The following DOCK8 variants were observed in gnomAD, a reference collection of about 807,000 sequenced individuals.
The protein encoded by DOCK8 is dedicator of cytokinesis 8.
DOCK8 carries 141 observed loss-of-function variants against 245.6 expected under a neutral mutation model. The observed-to-expected ratio is 0.57, with a 90% CI of 0.50 to 0.66. DOCK8 has a LOEUF of 0.66. Among genes scored for constraint, DOCK8 ranks in the 30% least tolerant of loss-of-function variants. The pLI is 0.00. For missense variants in DOCK8, 2,965 were observed against 2,603.4 expected, an observed-to-expected ratio of 1.14 and a Z score of -3.02; for synonymous variants, 1,168 against 970.2, an observed-to-expected ratio of 1.20 and a Z score of -3.79.
intron 5 of DOCK8, among the ~76,000 whole-genome samples, chr9:308,424 C>T (rs1179540160): frequency 6.6e-6 from 1 of 152,226 alleles, no homozygotes; most frequent in African/African-American, 2.4e-5. Flanking sequence ...GAGAGAATCT[C>T]AGACTGCGAG....
chr9:437,252 A>G (rs1263098772), intron 39 of DOCK8, among the ~76,000 whole-genome samples: 1 of 152,348 alleles, frequency 6.6e-6, no homozygotes, highest in East Asian at 1.9e-4. Flanking sequence ...AGCAGAGCTC[A>G]CTGTCATCAC....
intron 39 of DOCK8, among the ~76,000 whole-genome samples, chr9:438,393 C>G (rs2056975020): frequency 6.6e-6 from 1 of 152,154 alleles, no homozygotes; most frequent in Non-Finnish European, 1.5e-5. Context: ...GTTTGTAATC[C>G]CTAAACTGGG....
chr9:400,107 CTCCACCACCACCA>C lies in DOCK8; in HGVS notation c.3234+849_3234+861del, dbSNP rs1564012194. 6.8e-4 allele frequency among the ~76,000 whole-genome samples: 82 copies of C among 120,054 alleles called. 6 individuals carry two copies. The highest frequency in any genetic ancestry group is 2.9e-3 in the African/African-American group (70 of 24,462). 78.8% of individuals were successfully genotyped at this position (120,054 alleles called of 152,430 possible). A position where few individuals can be genotyped will look rare whatever the true frequency, so the allele number is the denominator to read the frequency against. On this transcript the variant is annotated intron_variant, in intron 26 of 47. Transcript: ENST00000432829. ...CCACCTCCACCATCACCACCACCAC[CTCCACCACCACCA>C]GCATCTTCACCATCACCACCACCTC...
intron 14 of DOCK8, among the ~76,000 whole-genome samples, chr9:365,404 T>A (rs768908267): frequency 2.0e-5 from 3 of 152,184 alleles, no homozygotes; most frequent in Non-Finnish European, 2.9e-5. Flanking sequence ...AACTTCAGTA[T>A]GTTTTCAGTG....
intron 44 of DOCK8, among the ~76,000 whole-genome samples, chr9:449,422 G>GA (rs1587091175): frequency 2.6e-5 from 4 of 152,136 alleles, no homozygotes; most frequent in Admixed American, 1.3e-4. Flanking sequence ...TGACAGGGTA[G>GA]AAAAAACATG....
At chr9:223,932 G>A (rs1379298330) in intron 1 of DOCK8, among the ~76,000 whole-genome samples, 1 of 152,140 alleles carries the variant, frequency 6.6e-6, no homozygotes, top group African/African-American at 2.4e-5. Context: ...ATATGGTATA[G>A]CTTCTGGAGG....
chr9:387,156 A>G (rs1480581113), intron 23 of DOCK8, among the ~76,000 whole-genome samples: 1 of 152,166 alleles, frequency 6.6e-6, no homozygotes, highest in Non-Finnish European at 1.5e-5. Flanking sequence ...ATTAAAATGT[A>G]AATATGGCAG....
chr9:316,269 A>C (rs2130738884), intron 6 of DOCK8, among the ~76,000 whole-genome samples: 1 of 152,350 alleles, frequency 6.6e-6, no homozygotes, highest in South Asian at 2.1e-4. Flanking sequence ...GCATACTGCA[A>C]GAGTGGGAAT....
chr9:262,215 G>T (rs193217708), intron 1 of DOCK8, among the ~76,000 whole-genome samples: 5 of 151,934 alleles, frequency 3.3e-5, no homozygotes, highest in African/African-American at 1.2e-4. Flanking sequence ...TAGTATAATG[G>T]CTAAAATGAA....
intron 37 of DOCK8, among the ~76,000 whole-genome samples, chr9:432,710 G>A (rs1340696585): frequency 6.6e-6 from 1 of 152,182 alleles, no homozygotes; most frequent in Non-Finnish European, 1.5e-5. Flanking sequence ...ACTAAAGGCT[G>A]GGGTAGGATT....
At position 262,183 on chromosome 9, in the gene DOCK8, A is replaced by C. The variant is rs184249085; in HGVS notation, c.54-9444A>C. On this transcript the variant is annotated intron_variant, in intron 1 of 47. Coordinates refer to ENST00000432829, the MANE Select transcript of DOCK8 (RefSeq NM_203447.4). ...AAATGCAAATTAAAAACACAATGAG[A>C]TACCACCACATACAACATGTCTAGT... Among the ~76,000 whole-genome samples, 12 of 152,262 alleles carry C rather than the reference A, an allele frequency of 7.9e-5. No homozygotes were observed. The East Asian group carries it at 2.3e-3, about 30-fold the overall frequency.
chr9:323,013 A>C, intron 7 of DOCK8, among the ~76,000 whole-genome samples: 1 of 151,512 alleles, frequency 6.6e-6, no homozygotes, highest in South Asian at 2.1e-4. Flanking sequence ...GAATCGCTTG[A>C]ACCTGGGTGG....
intron 1 of DOCK8, among the ~76,000 whole-genome samples, chr9:256,449 G>A (rs1281628528): frequency 3.3e-5 from 5 of 152,178 alleles, no homozygotes; most frequent in African/African-American, 1.2e-4. Context: ...AATGAGGGTA[G>A]TACTTATCCC....
intron 34 of DOCK8, among the ~76,000 whole-genome samples, chr9:428,097 GGAT>G (rs1283690620): frequency 6.6e-6 from 1 of 152,198 alleles, no homozygotes; most frequent in Admixed American, 6.5e-5. Flanking sequence ...ATGTGACCCA[GGAT>G]GAGGGAGATG....
chr9:418,471 T>C (rs2056131306), intron 30 of DOCK8, among the ~76,000 whole-genome samples: 1 of 152,070 alleles, frequency 6.6e-6, no homozygotes, highest in African/African-American at 2.4e-5. Flanking sequence ...TTTCGCCATG[T>C]TGGCCAGGCT....
intron 26 of DOCK8, among the ~76,000 whole-genome samples, chr9:400,297 A>T (rs1401057677): frequency 4.5e-5 from 3 of 67,032 alleles, no homozygotes; most frequent in African/African-American, 8.0e-5. Context: ...CACCACCACC[A>T]CCATCTTCAC....
At chr9:299,423 G>A (rs892334690) in intron 4 of DOCK8, among the ~76,000 whole-genome samples, 3 of 151,968 alleles carry the variant, frequency 2.0e-5, no homozygotes, top group South Asian at 2.1e-4. Context: ...CACCATACTC[G>A]GCTAATTTTT....
chr9:386,986 AT>A (rs1463159055), intron 23 of DOCK8, among the ~76,000 whole-genome samples: 1 of 152,188 alleles, frequency 6.6e-6, no homozygotes, highest in Non-Finnish European at 1.5e-5. Context: ...GCTTACCAGG[AT>A]TTTTAAAGCA....
chr9:448,012 C>CCTTTTCTTTT (rs56211830), intron 44 of DOCK8, among the ~76,000 whole-genome samples: 3 of 151,368 alleles, frequency 2.0e-5, no homozygotes, highest in South Asian at 2.1e-4. Flanking sequence ...CATTTCAAAA[C>CCTTTTCTTTT]CTTTTCTTTT....
Sources: gnomAD v4.1 joint callset for allele counts (sites outside exome capture counted in the v4.1 genomes callset) on GRCh38, gnomAD v4.1.1 for gene constraint, MANE v1.5 for transcripts, NCBI Gene and HGNC (gene_info 2026-07-23, HGNC 2026-07-21) for gene names.